ERBB4: variants seen among roughly 807,000 people sequenced by gnomAD.
ERBB4 encodes the protein receptor tyrosine-protein kinase erbB-4.
ERBB4 carries 42 observed loss-of-function variants against 158.0 expected under a neutral mutation model. The ratio of observed to expected loss-of-function variants is 0.27; its 90% CI spans 0.21 to 0.34. The LOEUF (loss-of-function observed/expected upper bound fraction) is 0.34, where lower values mean the gene tolerates loss of function less well. Ranked by LOEUF, ERBB4 falls within the 10% of genes least tolerant of loss-of-function variation. The pLI, the probability that ERBB4 is intolerant of heterozygous loss-of-function variation, is 1.00. For missense variants in ERBB4, 1,333 were observed against 1,624.1 expected (o/e 0.82, Z 3.08); for synonymous variants, 583 against 558.7 (o/e 1.04, Z -0.61).
intron 3 of ERBB4, among the ~76,000 whole-genome samples, chr2:211,801,337 T>C (rs2076493684): frequency 6.6e-6 from 1 of 152,186 alleles, no homozygotes; most frequent in African/African-American, 2.4e-5. Context: ...TAAATACCGC[T>C]CAATATCATA....
intron 1 of ERBB4, among the ~76,000 whole-genome samples, chr2:212,304,677 A>G (rs979015084): frequency 6.6e-6 from 1 of 151,516 alleles, no homozygotes; most frequent in Non-Finnish European, 1.5e-5. Context: ...TGGAAGGTTG[A>G]CACAAAATTC....
Position 212,361,583 on chromosome 2 carries a change from A to G in ERBB4, c.82+176866T>C, listed in dbSNP as rs192323363. ...TATGTGCCAGACTTTCTATAGTAGAAGACAAAATTCACAATGTGTGAGAGT... is the reference window on the plus strand; with the variant it reads ...TATGTGCCAGACTTTCTATAGTAGAGGACAAAATTCACAATGTGTGAGAGT... On this transcript the variant is annotated intron_variant, in intron 1 of 27. Coordinates refer to ENST00000342788, the MANE Select transcript of ERBB4 (RefSeq NM_005235.3). 2.8e-3 allele frequency among the ~76,000 whole-genome samples: 401 copies of G among 143,766 alleles called. 3 individuals are homozygous for G. Among genetic ancestry groups the G allele is most frequent in the Non-Finnish European group, 5.0e-3 (340 of 67,686 alleles). The allele number at this position is 143,766 out of a possible 152,430, so 94.3% of individuals were successfully genotyped here.
In ERBB4 at chr2:212,317,713, C is replaced by T. The variant is rs139352408; in HGVS notation, c.83-192810G>A. ...GCTTTACAGATGAAGGACTTAAGAT[C>T]AAAAAGGATAAATGTCATGCCTCAA... is the stretch of plus-strand genomic sequence containing the variant. On this transcript the variant is annotated intron_variant, in intron 1 of 27. Transcript: ENST00000342788. Among the ~76,000 whole-genome samples the T allele has an allele frequency of 4.9e-3, 742 of 151,478 alleles. 4 individuals carry two copies. The highest frequency in any genetic ancestry group is 0.016 in the African/African-American group (659 of 41,412).
intron 1 of ERBB4, among the ~76,000 whole-genome samples, chr2:212,397,491 A>AT (rs2091063975): frequency 1.5e-5 from 2 of 132,540 alleles, no homozygotes; most frequent in African/African-American, 2.9e-5. Context: ...AAGAAAGAAA[A>AT]AAAGGAAGGA....
At chr2:212,267,533 C>T (rs1021917) in intron 1 of ERBB4, among the ~76,000 whole-genome samples, 101,389 of 150,768 alleles carry the variant, frequency 0.67, 34,185 homozygotes, top group East Asian at 0.78. Flanking sequence ...AATAAGGTAT[C>T]TTCATTGGTT....
At chr2:211,658,948 A>G (rs2071320014) in intron 15 of ERBB4, among the ~76,000 whole-genome samples, 1 of 152,110 alleles carries the variant, frequency 6.6e-6, no homozygotes, top group African/African-American at 2.4e-5. Context: ...GAACATTATC[A>G]AGATCCTTTT....
chr2:211,553,313 C>G (rs2067153630), intron 20 of ERBB4, among the ~76,000 whole-genome samples: 1 of 152,048 alleles, frequency 6.6e-6, no homozygotes, highest in African/African-American at 2.4e-5. Flanking sequence ...CAAGTTAAGA[C>G]CACAAGCATC....
intron 20 of ERBB4, among the ~76,000 whole-genome samples, chr2:211,508,794 G>C (rs1031455519): frequency 1.3e-5 from 2 of 152,108 alleles, no homozygotes; most frequent in African/African-American, 4.8e-5. Flanking sequence ...AGAAAATGTG[G>C]CACATGGCAC....
At chr2:211,508,634 C>A (rs2065808768) in intron 20 of ERBB4, among the ~76,000 whole-genome samples, 1 of 152,062 alleles carries the variant, frequency 6.6e-6, no homozygotes, top group Admixed American at 6.5e-5. Flanking sequence ...GGGTATATAC[C>A]CAAAGGATGA....
At chr2:212,113,024 C>T (rs985974749) in intron 2 of ERBB4, among the ~76,000 whole-genome samples, 4 of 152,026 alleles carry the variant, frequency 2.6e-5, no homozygotes, top group African/African-American at 4.8e-5. Flanking sequence ...ATGTGACATA[C>T]GGTATAGTAC....
intron 1 of ERBB4, among the ~76,000 whole-genome samples, chr2:212,361,281 A>G (rs552661685): frequency 1.3e-5 from 2 of 151,758 alleles, no homozygotes; most frequent in South Asian, 2.1e-4. Flanking sequence ...GAATCAAACC[A>G]TATGTGCCTC....
chr2:212,049,996 C>T (rs951925642), intron 2 of ERBB4, among the ~76,000 whole-genome samples: 1 of 151,958 alleles, frequency 6.6e-6, no homozygotes, highest in African/African-American at 2.4e-5. Context: ...GGAAAAATAC[C>T]TATACGAATA....
At chr2:212,117,609 G>C (rs890884478) in intron 2 of ERBB4, among the ~76,000 whole-genome samples, 1 of 152,150 alleles carries the variant, frequency 6.6e-6, no homozygotes, top group African/African-American at 2.4e-5. Flanking sequence ...ATTCAGGCTT[G>C]TATAGTAGGA....
At chr2:211,973,318 C>T (rs2081509454) in intron 2 of ERBB4, among the ~76,000 whole-genome samples, 1 of 152,032 alleles carries the variant, frequency 6.6e-6, no homozygotes, top group African/African-American at 2.4e-5. Context: ...TCTCCTGCCT[C>T]AGCCTCCCGA....
At chr2:211,967,856 A>G in intron 2 of ERBB4, among the ~76,000 whole-genome samples, 1 of 152,060 alleles carries the variant, frequency 6.6e-6, no homozygotes, top group Admixed American at 6.6e-5. Flanking sequence ...ATTATTTTAT[A>G]TCCTTTTTGA....
At chr2:211,789,606 GTAAC>G (rs952919795) in intron 3 of ERBB4, among the ~76,000 whole-genome samples, 2 of 152,156 alleles carry the variant, frequency 1.3e-5, no homozygotes, top group African/African-American at 4.8e-5. Flanking sequence ...GATTGAATAA[GTAAC>G]TATTGAGGTG....
chr2:211,409,760 T>C (rs755735196), intron 25 of ERBB4, among the ~76,000 whole-genome samples: 1 of 151,578 alleles, frequency 6.6e-6, no homozygotes, highest in Non-Finnish European at 1.5e-5. Flanking sequence ...GTCTGAATAC[T>C]AGAGTTAGAC....
intron 14 of ERBB4, among the ~76,000 whole-genome samples, chr2:211,669,216 C>CAAAAAA (rs71054124): frequency 3.6e-3 from 202 of 56,004 alleles, no homozygotes; most frequent in Non-Finnish European, 4.7e-3. Flanking sequence ...GAGTGAGTCT[C>CAAAAAA]AAAAAAAAAA....
rs950562854 is a variant in ERBB4 at position 211,614,088 on chromosome 2, G to A, written c.2301+5089C>T. 9.2e-5 allele frequency among the ~76,000 whole-genome samples: 14 copies of A among 151,804 alleles called. No individual in the cohort carries two copies. In the East Asian group the frequency reaches 9.7e-4, roughly 10 times the overall value. ...ATACACAGTGGAGCACTATTCAGCCGTAAAAAAAGAATGCAATCAAGTCAT... is the reference window on the plus strand; with the variant it reads ...ATACACAGTGGAGCACTATTCAGCCATAAAAAAAGAATGCAATCAAGTCAT... On this transcript the variant is annotated intron_variant, in intron 19 of 27. Transcript: ENST00000342788.
Sources: gnomAD v4.1 joint callset for allele counts (sites outside exome capture counted in the v4.1 genomes callset) on GRCh38, gnomAD v4.1.1 for gene constraint, MANE v1.5 for transcripts, NCBI Gene and HGNC (gene_info 2026-07-23, HGNC 2026-07-21) for gene names.